Variants in CNTN5 observed in about 807,000 individuals in gnomAD.
CNTN5 encodes contactin-5.
In CNTN5, 77 loss-of-function variants were observed where a neutral mutation model predicts 129.1. That is an observed-to-expected ratio of 0.60 (90% CI 0.50 to 0.72). The LOEUF (loss-of-function observed/expected upper bound fraction) is 0.72. Among genes scored for constraint, CNTN5 ranks in the 30% least tolerant of loss-of-function variants. CNTN5 has a pLI of 0.00. For synonymous variants in CNTN5, 509 were observed against 465.6 expected, an observed-to-expected ratio of 1.09 and a Z score of -1.20; for missense variants, 1,478 against 1,328.8, an observed-to-expected ratio of 1.11 and a Z score of -1.75.
chr11:100,024,806 C>T (rs966255629), intron 9 of CNTN5, among the ~76,000 whole-genome samples: 1 of 152,246 alleles, frequency 6.6e-6, no homozygotes, highest in Middle Eastern at 3.4e-3. Context: ...GCACAATGTT[C>T]AAGAGGTGAC....
At chr11:99,253,606 G>C (rs1862224516) in intron 1 of CNTN5, among the ~76,000 whole-genome samples, 3 of 151,762 alleles carry the variant, frequency 2.0e-5, no homozygotes, top group Admixed American at 6.6e-5. Context: ...ATTTGAGTTA[G>C]TTATTTTTAG....
intron 2 of CNTN5, among the ~76,000 whole-genome samples, chr11:99,548,215 C>T (rs1379403676): frequency 6.6e-6 from 1 of 152,088 alleles, no homozygotes; most frequent in Non-Finnish European, 1.5e-5. Context: ...GTATTTCTCT[C>T]CTGTCCTTTA....
chr11:100,346,598 C>G (rs978516999), intron 23 of CNTN5, among the ~76,000 whole-genome samples: 2 of 152,008 alleles, frequency 1.3e-5, no homozygotes, highest in African/African-American at 2.4e-5. Flanking sequence ...ATAATCCAAG[C>G]AAAAACTATT....
chr11:99,311,978 A>T (rs981994668), intron 1 of CNTN5, among the ~76,000 whole-genome samples: 5 of 152,148 alleles, frequency 3.3e-5, no homozygotes, highest in African/African-American at 4.8e-5. Flanking sequence ...CCTCTGAAGA[A>T]ATCACCTTGG....
At chr11:99,124,006 C>G (rs1353253291) in intron 1 of CNTN5, among the ~76,000 whole-genome samples, 1 of 151,722 alleles carries the variant, frequency 6.6e-6, no homozygotes, top group Non-Finnish European at 1.5e-5. Flanking sequence ...ATTTGTGTTG[C>G]CTATTTGGAC....
chr11:99,488,159 G>GTT (rs10716491), intron 2 of CNTN5, among the ~76,000 whole-genome samples: 3 of 113,794 alleles, frequency 2.6e-5, no homozygotes, highest in Non-Finnish European at 3.5e-5. Context: ...TCTCCAAGAA[G>GTT]TTTTTTTTTT....
At chr11:99,945,484 CTGTGCG>C (rs1400668926) in intron 7 of CNTN5, among the ~76,000 whole-genome samples, 1 of 69,596 alleles carries the variant, frequency 1.4e-5, no homozygotes, top group East Asian at 4.4e-4. Flanking sequence ...AATAAAACCT[CTGTGCG>C]TGTGTGTGTG....
chr11:99,971,438 G>T (rs963842909), intron 8 of CNTN5, among the ~76,000 whole-genome samples: 5 of 151,920 alleles, frequency 3.3e-5, no homozygotes, highest in Non-Finnish European at 1.5e-5. Flanking sequence ...AACTACTGGG[G>T]AGGCTGAGGC....
intron 3 of CNTN5, among the ~76,000 whole-genome samples, chr11:99,765,432 A>G: frequency 6.6e-6 from 1 of 151,866 alleles, no homozygotes; most frequent in Non-Finnish European, 1.5e-5. Context: ...GGTCTTTAGT[A>G]GGGATCATAA....
At chr11:100,135,510 C>T (rs979330757) in intron 13 of CNTN5, among the ~76,000 whole-genome samples, 1 of 152,010 alleles carries the variant, frequency 6.6e-6, no homozygotes, top group Admixed American at 6.6e-5. Context: ...ATTTAAATCC[C>T]TCAGATAAAA....
intron 2 of CNTN5, among the ~76,000 whole-genome samples, chr11:99,352,022 A>G (rs1272795806): frequency 6.6e-6 from 1 of 152,252 alleles, no homozygotes; most frequent in Non-Finnish European, 1.5e-5. Flanking sequence ...GACAAATGCC[A>G]TTAATAGAAA....
chr11:99,237,214 G>T (rs1348796704), intron 1 of CNTN5, among the ~76,000 whole-genome samples: 1 of 151,610 alleles, frequency 6.6e-6, no homozygotes, highest in Non-Finnish European at 1.5e-5. Flanking sequence ...TTCATTCTTT[G>T]TTCTGTTGGC....
At chr11:100,063,784 G>A (rs993006181) in intron 10 of CNTN5, among the ~76,000 whole-genome samples, 1 of 151,066 alleles carries the variant, frequency 6.6e-6, no homozygotes, top group Non-Finnish European at 1.5e-5. Flanking sequence ...ATACTCAGAA[G>A]CCTGAGGTGG....
chr11:99,476,275 A>G (rs571907082), intron 2 of CNTN5, among the ~76,000 whole-genome samples: 1 of 152,226 alleles, frequency 6.6e-6, no homozygotes, highest in East Asian at 1.9e-4. Context: ...ATTAATATTT[A>G]TCTACTTTCT....
At chr11:100,273,429 C>A (rs535911445) in intron 18 of CNTN5, among the ~76,000 whole-genome samples, 4 of 152,140 alleles carry the variant, frequency 2.6e-5, no homozygotes, top group Non-Finnish European at 4.4e-5. Context: ...TGCCAACCAC[C>A]GTTGCAGACA....
intron 2 of CNTN5, among the ~76,000 whole-genome samples, chr11:99,451,935 T>C (rs1332881401): frequency 6.6e-6 from 1 of 152,178 alleles, no homozygotes; most frequent in East Asian, 1.9e-4. Context: ...GAGAAACAAT[T>C]AATTTCCTTC....
intron 2 of CNTN5, among the ~76,000 whole-genome samples, chr11:99,468,400 C>CT (rs112169017): frequency 0.012 from 1,839 of 152,224 alleles, 38 homozygotes; most frequent in African/African-American, 0.042. Context: ...AAGAACATTG[C>CT]TTATGAGGAC....
chr11:99,461,025 C>T (rs1944677570), intron 2 of CNTN5, among the ~76,000 whole-genome samples: 1 of 151,952 alleles, frequency 6.6e-6, no homozygotes, highest in South Asian at 2.1e-4. Flanking sequence ...AAATTGTATC[C>T]ACACAACAGA....
chr11:99,727,964 G>A (rs1943409238), intron 3 of CNTN5, among the ~76,000 whole-genome samples: 1 of 152,240 alleles, frequency 6.6e-6, no homozygotes, highest in South Asian at 2.1e-4. Flanking sequence ...GGTTTCGAAT[G>A]CATTCAGATT....
Sources: gnomAD v4.1 joint callset for allele counts (sites outside exome capture counted in the v4.1 genomes callset) on GRCh38, gnomAD v4.1.1 for gene constraint, MANE v1.5 for transcripts, NCBI Gene and HGNC (gene_info 2026-07-23, HGNC 2026-07-21) for gene names.